The following SH2D3C variants were observed in gnomAD, a reference collection of about 807,000 sequenced individuals.
The protein encoded by SH2D3C is SH2 domain-containing protein 3C.
SH2D3C carries 25 observed loss-of-function variants against 75.2 expected under a neutral mutation model. That is an observed-to-expected ratio of 0.33 (90% CI 0.24 to 0.46). The LOEUF (loss-of-function observed/expected upper bound fraction) is 0.46. Among genes scored for constraint, SH2D3C ranks in the 20% least tolerant of loss-of-function variants. The pLI, the probability that SH2D3C is intolerant of heterozygous loss-of-function variation, is 1.00. For missense variants in SH2D3C, 933 were observed against 1,165.3 expected (o/e 0.80, Z 2.90); for synonymous variants, 450 against 473.7 (o/e 0.95, Z 0.65).
chr9:127,751,330 C>T lies in SH2D3C; in HGVS notation c.556-30G>A. 1 of 1,609,512 alleles carries T rather than the reference C, an allele frequency of 6.2e-7. No homozygotes were observed. Among genetic ancestry groups the T allele is most frequent in the Non-Finnish European group, 8.5e-7 (1 of 1,176,956 alleles). Reference sequence around the variant, plus strand: ...GTAGAAAACAGCAAGAGTTGGCATCCAACTTAAAGTCTCCTTCTTCTTTCC... The same window carrying T: ...GTAGAAAACAGCAAGAGTTGGCATCTAACTTAAAGTCTCCTTCTTCTTTCC... On this transcript the variant is annotated intron_variant, in intron 3 of 11. Transcript: ENST00000314830. The surrounding 1 kb of genome is among the most constrained non-coding windows in gnomAD (Gnocchi z 4.1).
chr9:127,766,879 C>T, intron 2 of SH2D3C: 6 of 1,494,868 alleles, frequency 4.0e-6, no homozygotes, highest in Non-Finnish European at 5.4e-6. Context: ...TCTTTCCTTC[C>T]TTCACGCCCA....
chr9:127,776,767 C>T (rs1211436152), intron 1 of SH2D3C, among the ~76,000 whole-genome samples: 1 of 152,158 alleles, frequency 6.6e-6, no homozygotes, highest in Non-Finnish European at 1.5e-5. Flanking sequence ...CATGGCTGAG[C>T]CTGGACACAG....
chr9:127,768,846 G>A (rs1034957765), intron 2 of SH2D3C, among the ~76,000 whole-genome samples: 2 of 137,856 alleles, frequency 1.5e-5, no homozygotes, highest in Non-Finnish European at 3.1e-5. Flanking sequence ...AACATGCCAC[G>A]TCAGGGCCTT....
Position 127,739,933 on chromosome 9 carries a change from C to T in SH2D3C, c.2201-45G>A. 6.9e-7 allele frequency: 1 copy of T among 1,454,366 alleles called. No individual in the cohort carries two copies. The highest frequency in any genetic ancestry group is 9.2e-7 in the Non-Finnish European group (1 of 1,084,332). 90.1% of individuals were successfully genotyped at this position (1,454,366 alleles called of 1,614,324 possible). A position where few individuals can be genotyped will look rare whatever the true frequency, so the allele number is the denominator to read the frequency against. ...AGGCGCTTAAAGATCCTGTAGTGCC[C>T]CACCATCCACTGCAGTCCTGGAAGC... is the stretch of plus-strand genomic sequence containing the variant. On this transcript the variant is annotated intron_variant, in intron 10 of 11. Transcript: ENST00000314830. This position sits in a 1 kb window ranked among gnomAD's most constrained non-coding sequence, Gnocchi z 4.3.
chr9:127,760,216 G>C (rs1447467030), intron 3 of SH2D3C, among the ~76,000 whole-genome samples: 1 of 152,098 alleles, frequency 6.6e-6, no homozygotes, highest in Non-Finnish European at 1.5e-5. Flanking sequence ...TTCTTCCATG[G>C]GTCCCACATG....
chr9:127,740,249 A>T lies in SH2D3C; in HGVS notation c.2200+9T>A. The T allele has an allele frequency of 6.2e-7, 1 of 1,611,292 alleles. No individual in the cohort carries two copies. The highest frequency in any genetic ancestry group is 8.5e-7 in the Non-Finnish European group (1 of 1,177,572). On this transcript the variant is annotated intron_variant, in intron 10 of 11. Transcript: ENST00000314830. ...GCAGCCTGTCCAAGGTCACGCAACA[A>T]GGAAGTACCTTTGCCCTCGTTGAGG...
intron 3 of SH2D3C, among the ~76,000 whole-genome samples, chr9:127,757,629 T>C (rs1845421415): frequency 8.1e-6 from 1 of 124,190 alleles, no homozygotes; most frequent in African/African-American, 3.0e-5. Context: ...ATGATGATGA[T>C]GATGATGATG....
At chr9:127,755,110 C>T in intron 3 of SH2D3C, 4 of 1,218,096 alleles carry the variant, frequency 3.3e-6, no homozygotes, top group Non-Finnish European at 4.1e-6. Flanking sequence ...GCGGTAGAAG[C>T]AGCAGGCGGC....
rs1844793626 is a variant in SH2D3C, at chr9:127,739,735, G to A, written c.2354C>T (p.Thr785Ile). The A allele has an allele frequency of 6.2e-7, 1 of 1,610,646 alleles. No individual in the cohort carries two copies. Among genetic ancestry groups the A allele is most frequent in the African/African-American group, 1.3e-5 (1 of 74,864 alleles). The change falls in exon 11 of 12, where the codon ACA becomes ATA. Residue 785 changes from threonine (T) to isoleucine (I), a missense_variant. Transcript: ENST00000314830. This position sits in a 1 kb window ranked among gnomAD's most constrained non-coding sequence, Gnocchi z 4.3. ...GTACAGGCCTCCGTGGTGTGCCACT[G>A]TGCGGGCGGCCTCCAGGTGAGCCAG... ...VVLAHLEAARTVAHHGGLYHT... is the reference protein window; with the variant it reads ...VVLAHLEAARIVAHHGGLYHT...
chr9:127,743,722 A>G (rs1844935539), intron 7 of SH2D3C, among the ~76,000 whole-genome samples: 1 of 152,210 alleles, frequency 6.6e-6, no homozygotes, highest in Non-Finnish European at 1.5e-5. Flanking sequence ...TGAGACCAGT[A>G]TAACCCAATA....
chr9:127,747,323 G>C, intron 5 of SH2D3C, 52 bp from the exon 6 acceptor site: 1 of 1,563,082 alleles, frequency 6.4e-7, no homozygotes, highest in African/African-American at 1.3e-5. Flanking sequence ...AGGGGCCTCA[G>C]CCTGCCTCTG....
intron 8 of SH2D3C, 47 bp downstream of exon 8, chr9:127,742,802 G>C: frequency 6.8e-7 from 1 of 1,468,912 alleles, no homozygotes. Flanking sequence ...GGGGAGTGCG[G>C]TAGCCGGGGG....
In SH2D3C at chr9:127,771,324, G is replaced by C. The variant is rs951734456; in HGVS notation, c.515+2666C>G. ...CACTGAGCTGCAGAGCTCAGTGCCG[G>C]ACTCCGGGGGCGGAGACTGACCTGT... On this transcript the variant is annotated intron_variant, in intron 2 of 11. Coordinates refer to ENST00000314830, the MANE Select transcript of SH2D3C (RefSeq NM_170600.3). 2.3e-5 allele frequency: 32 copies of C among 1,422,126 alleles called. No individual in the cohort carries two copies. The Admixed American group carries it at 3.1e-4, about 14-fold the overall frequency. 88.1% of individuals were successfully genotyped at this position (1,422,126 alleles called of 1,614,324 possible). A position where few individuals can be genotyped will look rare whatever the true frequency, so the allele number is the denominator to read the frequency against.
rs949675089 is a variant in SH2D3C at position 127,739,509 on chromosome 9, C to CA, written c.2407+172dup. The stretch of plus-strand genomic sequence containing the variant: ...TGGGCGACAGTGTGAGACTCCATCT[C>CA]AAAAAAAAAAGAAAAAAGAAAAGAA... On this transcript the variant is annotated intron_variant, in intron 11 of 11. Transcript: ENST00000314830. The surrounding 1 kb of genome is among the most constrained non-coding windows in gnomAD (Gnocchi z 4.3). Among the ~76,000 whole-genome samples the CA allele has an allele frequency of 2.8e-4, 39 of 141,080 alleles. 1 individual carries two copies. Among genetic ancestry groups the CA allele is most frequent in the South Asian group, 1.1e-3 (5 of 4,430 alleles). The allele number at this position is 141,080 out of a possible 152,430, so 92.6% of individuals were successfully genotyped here. A position where few individuals can be genotyped will look rare whatever the true frequency, so the allele number is the denominator to read the frequency against.
chr9:127,747,842 T>G (rs562304878), intron 5 of SH2D3C, among the ~76,000 whole-genome samples: 5 of 152,148 alleles, frequency 3.3e-5, no homozygotes, highest in Non-Finnish European at 7.3e-5. Flanking sequence ...GCTTGGCCAT[T>G]AGCCCGGTTC....
chr9:127,767,389 G>A (rs1845655287), intron 2 of SH2D3C: 1 of 1,270,584 alleles, frequency 7.9e-7, no homozygotes, highest in African/African-American at 1.5e-5. Context: ...CTTGACCCAG[G>A]GCATGCAGCT....
At position 127,739,701 on chromosome 9, in the gene SH2D3C, A is replaced by G. The variant is rs145646718; in HGVS notation, c.2388T>C (p.Asn796=). 168 of 1,608,394 alleles carry G rather than the reference A, an allele frequency of 1.0e-4. No individual in the cohort carries two copies. In the African/African-American group the frequency reaches 2.0e-3, roughly 19 times the overall value. Reference sequence around the variant, plus strand: ...ACTCACCCTGCAGCTTGACTTCAGCATTGGTGTGGTACAGGCCTCCGTGGT... The same window carrying G: ...ACTCACCCTGCAGCTTGACTTCAGCGTTGGTGTGGTACAGGCCTCCGTGGT... ...VAHHGGLYHT[N]AEVKLQGFQA... is the part of the protein sequence containing the mutation. Residue 796 remains asparagine (N), a synonymous_variant, in exon 11 of 12, where the codon AAT becomes AAC. Transcript: ENST00000314830. The surrounding 1 kb of genome is among the most constrained non-coding windows in gnomAD (Gnocchi z 4.3).
chr9:127,769,400 T>A (rs1235030188), intron 2 of SH2D3C, among the ~76,000 whole-genome samples: 3 of 152,136 alleles, frequency 2.0e-5, no homozygotes, highest in African/African-American at 7.2e-5. Context: ...CCCAGCATTT[T>A]GGGAGGCTGA....
intron 1 of SH2D3C, among the ~76,000 whole-genome samples, chr9:127,775,724 C>T (rs952189460): frequency 2.0e-4 from 30 of 151,836 alleles, no homozygotes; most frequent in African/African-American, 7.0e-4. Flanking sequence ...GCAGGAGGAT[C>T]GCTTGAAACC....
Sources: gnomAD v4.1 joint callset for allele counts (sites outside exome capture counted in the v4.1 genomes callset) on GRCh38, gnomAD v4.1.1 for gene constraint, Gnocchi (gnomAD v3.1) non-coding constraint, MANE v1.5 for transcripts, NCBI Gene and HGNC (gene_info 2026-07-23, HGNC 2026-07-21) for gene names.